The following PAIP1 variants were observed in gnomAD, a reference collection of about 807,000 sequenced individuals.
PAIP1 encodes the protein poly(A) binding protein interacting protein 1, also known as polyadenylate-binding protein-interacting protein 1.
In PAIP1, 16 loss-of-function variants were observed where a neutral mutation model predicts 61.3. That is an observed-to-expected ratio of 0.26 (90% CI 0.18 to 0.40). The LOEUF (loss-of-function observed/expected upper bound fraction) is 0.40, where lower values mean the gene tolerates loss of function less well. PAIP1 is among the 10% of genes least tolerant of loss of function. PAIP1 has a pLI of 1.00. For synonymous variants in PAIP1, 187 were observed against 226.2 expected (o/e 0.83, Z 1.56); for missense variants, 416 against 600.9 (o/e 0.69, Z 3.22).
intron 2 of PAIP1, among the ~76,000 whole-genome samples, chr5:43,554,087 G>T (rs1250755498): frequency 6.6e-6 from 1 of 152,170 alleles, no homozygotes; most frequent in Non-Finnish European, 1.5e-5. Flanking sequence ...TTAGAGGATG[G>T]CAAGGAATGC....
chr5:43,534,580 G>GA (rs1579909234), intron 8 of PAIP1, among the ~76,000 whole-genome samples: 2 of 152,178 alleles, frequency 1.3e-5, no homozygotes, highest in East Asian at 3.8e-4. Flanking sequence ...AAATTCTCTG[G>GA]AAAAGCTGCT....
At chr5:43,541,755 G>GA (rs1178733457) in intron 4 of PAIP1, among the ~76,000 whole-genome samples, 1 of 147,208 alleles carries the variant, frequency 6.8e-6, no homozygotes, top group African/African-American at 2.6e-5. Flanking sequence ...CAAATTATAA[G>GA]AAAACTAGTT....
At chr5:43,541,370 C>G (rs1226974185) in intron 4 of PAIP1, among the ~76,000 whole-genome samples, 4 of 137,146 alleles carry the variant, frequency 2.9e-5, no homozygotes, top group Non-Finnish European at 4.7e-5. Flanking sequence ...GCCAGGATGG[C>G]CTCAATCTCC....
chr5:43,527,394 C>A lies in PAIP1; in HGVS notation c.1422G>T (p.Glu474Asp). The A allele has an allele frequency of 6.2e-7, 1 of 1,600,158 alleles. No homozygotes were observed. Among genetic ancestry groups the A allele is most frequent in the Non-Finnish European group, 8.5e-7 (1 of 1,174,342 alleles). ...TTTAACTTTACTGTTTTCGCTTACGCTCTGATTCCAAACAAAACTTTTCAT... is the reference window on the plus strand; with the variant it reads ...TTTAACTTTACTGTTTTCGCTTACGATCTGATTCCAAACAAAACTTTTCAT... ...EAYEKFCLESERKRKQ is the reference protein window; with the variant it reads ...EAYEKFCLESDRKRKQ The change falls in exon 11 of 11, where the codon GAG (glutamate) becomes GAT (aspartate). Residue 474 changes from glutamate to aspartate, a missense_variant. Physicochemically the swap from Glu to Asp is conservative, Grantham distance 45 (BLOSUM62 2). Transcript: ENST00000306846.
chr5:43,539,488 A>ACACACAC (rs1173334563), intron 4 of PAIP1, among the ~76,000 whole-genome samples: 3 of 139,264 alleles, frequency 2.2e-5, no homozygotes, highest in African/African-American at 8.2e-5. Context: ...CACACACACA[A>ACACACAC]CCTCCAACTG....
chr5:43,531,656 C>CAAAAAAAAAAAAAAAAAAAAAAAAAAAAA lies in PAIP1; in HGVS notation c.1253-1778_1253-1777insTTTTTTTTTTTTTTTTTTTTTTTTTTTTT, dbSNP rs369954867. 1.9e-3 allele frequency among the ~76,000 whole-genome samples: 112 copies of CAAAAAAAAAAAAAAAAAAAAAAAAAAAAA among 59,870 alleles called. 1 individual carries two copies. The highest frequency in any genetic ancestry group is 3.0e-3 in the Non-Finnish European group (86 of 29,020). 39.3% of individuals were successfully genotyped at this position (59,870 alleles called of 152,430 possible). On this transcript the variant is annotated intron_variant, in intron 9 of 10. Transcript: ENST00000306846. ...TGGGTAACAGAGTGAGACTCTGTCT[C>CAAAAAAAAAAAAAAAAAAAAAAAAAAAAA]AAAAAAAAAAAAAAAAAAAAAGAGA...
At chr5:43,542,952 A>G in intron 4 of PAIP1, 52 bp downstream of exon 4, 2 of 961,594 alleles carry the variant, frequency 2.1e-6, no homozygotes, top group African/African-American at 1.6e-5. Flanking sequence ...GGAATGGTCA[A>G]ATTCTAGTAT....
At chr5:43,549,754 C>T (rs1274067351) in intron 2 of PAIP1, among the ~76,000 whole-genome samples, 2 of 131,798 alleles carry the variant, frequency 1.5e-5, no homozygotes, top group African/African-American at 3.4e-5. Context: ...GAGTCTCGCT[C>T]TGTCACCCAG....
At chr5:43,541,990 A>G (rs1339043103) in intron 4 of PAIP1, among the ~76,000 whole-genome samples, 2 of 151,272 alleles carry the variant, frequency 1.3e-5, no homozygotes, top group Non-Finnish European at 2.9e-5. Flanking sequence ...CAGCCTGGCC[A>G]ACATGGTGAA....
intron 10 of PAIP1, among the ~76,000 whole-genome samples, chr5:43,528,404 CTG>C (rs1314818706): frequency 1.3e-5 from 2 of 152,028 alleles, no homozygotes; most frequent in African/African-American, 2.4e-5. Context: ...GAGTCCTTTT[CTG>C]TTTCTTCCCC....
At chr5:43,540,019 A>G (rs1747332801) in intron 4 of PAIP1, among the ~76,000 whole-genome samples, 2 of 152,234 alleles carry the variant, frequency 1.3e-5, no homozygotes. Flanking sequence ...CCACGCAGCC[A>G]GTTTAGGTTG....
rs142870333 is a variant in PAIP1 at position 43,536,906 on chromosome 5, A to T, written c.885T>A (p.Ile295=). 8.9e-5 allele frequency: 142 copies of T among 1,590,220 alleles called. No individual in the cohort carries two copies. The Middle Eastern group carries it at 3.5e-3, about 40-fold the overall frequency. ...GCAATTCTCGAAGACCAACCTGAAGAATATCTGCTCTTGTAACCTGTCCAT... is the reference window on the plus strand; with the variant it reads ...GCAATTCTCGAAGACCAACCTGAAGTATATCTGCTCTTGTAACCTGTCCAT... ...GTNGQVTRAD[I]LQVGLRELLN... is the part of the protein sequence containing the mutation. The change falls in exon 6 of 11, where the codon ATT becomes ATA. Residue 295 remains isoleucine, a synonymous_variant. Transcript: ENST00000306846.
At chr5:43,556,479 C>A (rs973583760) in intron 1 of PAIP1, 103 bp downstream of exon 1, 4 of 1,202,898 alleles carry the variant, frequency 3.3e-6, no homozygotes, top group East Asian at 3.2e-5. Context: ...TTCGGGGAAC[C>A]GGGGGTGGGG....
intron 10 of PAIP1, among the ~76,000 whole-genome samples, chr5:43,529,260 T>TA (rs1561227012): frequency 2.0e-5 from 3 of 152,162 alleles, no homozygotes; most frequent in South Asian, 4.1e-4. Context: ...GAATCTATTT[T>TA]AAAAAAATAA....
chr5:43,553,201 C>G (rs1457431433), intron 2 of PAIP1, among the ~76,000 whole-genome samples: 1 of 151,874 alleles, frequency 6.6e-6, no homozygotes, highest in African/African-American at 2.4e-5. Context: ...AAATAATGGC[C>G]AGGGATAAAT....
intron 2 of PAIP1, among the ~76,000 whole-genome samples, chr5:43,553,497 G>T (rs774644308): frequency 2.6e-5 from 4 of 152,142 alleles, no homozygotes; most frequent in Non-Finnish European, 4.4e-5. Context: ...CTGTATCACC[G>T]GTGCTTGACT....
rs568177939 is a variant in PAIP1 at position 43,544,146 on chromosome 5, TAAAAA to T, written c.622-1035_622-1031del. ...TGACAAAACAAAGCCCCCATCTTTT[TAAAAA>T]AAAAAAAAAAAAAAAAAAAAAAGCT... On this transcript the variant is annotated intron_variant, in intron 3 of 10. Coordinates refer to ENST00000306846, the MANE Select transcript of PAIP1 (RefSeq NM_006451.5). 3.9e-3 allele frequency among the ~76,000 whole-genome samples: 284 copies of T among 72,748 alleles called. 2 individuals are homozygous for T. The highest frequency in any genetic ancestry group is 0.026 in the South Asian group (36 of 1,388). 47.7% of individuals were successfully genotyped at this position (72,748 alleles called of 152,430 possible).
chr5:43,531,676 A>AAAAAAAAAAAAAAAAAAAAAAAAAAAG, intron 9 of PAIP1, among the ~76,000 whole-genome samples: 1 of 143,010 alleles, frequency 7.0e-6, no homozygotes, highest in Non-Finnish European at 1.5e-5. Context: ...AAAAAAAAAA[A>AAAAAAAAAAAAAAAAAAAAAAAAAAAG]AGAGAAAAAA....
intron 1 of PAIP1, 86 bp downstream of exon 1, chr5:43,556,496 G>C: frequency 8.3e-7 from 1 of 1,211,156 alleles, no homozygotes; most frequent in South Asian, 4.2e-5. Flanking sequence ...GGGGACCGCA[G>C]ACAGCGCGTC....
Sources: gnomAD v4.1 joint callset for allele counts (sites outside exome capture counted in the v4.1 genomes callset) on GRCh38, gnomAD v4.1.1 for gene constraint, MANE v1.5 for transcripts, NCBI Gene and HGNC (gene_info 2026-07-23, HGNC 2026-07-21) for gene names.